PXN: variants seen among roughly 807,000 people sequenced by gnomAD.
PXN encodes paxillin.
Under a neutral mutation model 103.6 loss-of-function variants are expected in PXN, and 61 were observed. The observed-to-expected ratio is 0.59, with a 90% confidence interval of 0.48 to 0.73. The LOEUF (loss-of-function observed/expected upper bound fraction) is 0.73. Among genes scored for constraint, PXN ranks in the 30% least tolerant of loss-of-function variants. PXN has a pLI of 0.00. For synonymous variants in PXN, 562 were observed against 607.8 expected (o/e 0.92, Z 1.11); for missense variants, 1,274 against 1,460.3 (o/e 0.87, Z 2.08).
rs1882634146 is a variant in PXN at position 120,215,647 on chromosome 12, C to T, written c.2316G>A (p.Glu772=). ...AGCACCGCTCCCCATCCGCTCTTTG[C>T]TCCAGGCCCTGGATCTTAGATAGGG... ...LFPPMQIQGL[E]QRADGERCWA... is the part of the protein sequence containing the mutation. The change falls in exon 10 of 15, where the codon GAG becomes GAA. Residue 772 remains glutamate, a synonymous_variant. Coordinates refer to ENST00000637617, the MANE Select transcript of PXN (RefSeq NM_001385981.1). This position sits in a 1 kb window ranked among gnomAD's most constrained non-coding sequence, Gnocchi z 4.9. The T allele has an allele frequency of 3.1e-6, 5 of 1,609,876 alleles. No homozygotes were observed. Among genetic ancestry groups the T allele is most frequent in the Non-Finnish European group, 4.2e-6 (5 of 1,178,728 alleles).
chr12:120,215,147 C>T lies in PXN; in HGVS notation c.2530G>A (p.Ala844Thr), dbSNP rs548031679. ...TTGCAGGCCCCGCAGACTCCTTTGG[C>T]GACTGTGGCGACCCCCAGCTTGTTC... ...DLNKLGVATV[A>T]KGVCGACKKP... Residue 844 changes from alanine (A) to threonine (T), a missense_variant, in exon 11 of 15, where the codon GCC becomes ACC. Ala to Thr is a moderately conservative substitution (Grantham distance 58). Transcript: ENST00000637617. The surrounding 1 kb of genome is among the most constrained non-coding windows in gnomAD (Gnocchi z 4.9). 48 of 1,570,080 alleles carry T rather than the reference C, an allele frequency of 3.1e-5. No homozygotes were observed. Among genetic ancestry groups the T allele is most frequent in the Admixed American group, 1.4e-4 (8 of 55,910 alleles).
At chr12:120,218,042 ATTTTT>A (rs1167466002) in intron 7 of PXN, among the ~76,000 whole-genome samples, 2 of 99,242 alleles carry the variant, frequency 2.0e-5, no homozygotes, top group South Asian at 3.2e-4. Context: ...AGCTTGGGGG[ATTTTT>A]TTTTTTTTTT....
At chr12:120,261,058 C>T (rs1893805335) in intron 1 of PXN, among the ~76,000 whole-genome samples, 1 of 152,198 alleles carries the variant, frequency 6.6e-6, no homozygotes, top group Non-Finnish European at 1.5e-5. Flanking sequence ...AGTTTCCTCA[C>T]TTATAAAACA....
At chr12:120,242,257 G>A (rs1890283215) in intron 1 of PXN, among the ~76,000 whole-genome samples, 1 of 152,178 alleles carries the variant, frequency 6.6e-6, no homozygotes, top group Non-Finnish European at 1.5e-5. Flanking sequence ...AGAACCTCAG[G>A]AAGTTGCATG....
In PXN at chr12:120,216,163, G is replaced by A. The variant is rs772845101; in HGVS notation, c.2301+110C>T. On this transcript the variant is annotated intron_variant, in intron 9 of 14. Transcript: ENST00000637617. This position sits in a 1 kb window ranked among gnomAD's most constrained non-coding sequence, Gnocchi z 5.1. ...ACTGTGCTGGGGCTTGTAGATGGAG[G>A]GATGGAGGGTATCTGTGTATGTGTG... The A allele has an allele frequency of 7.9e-7, 1 of 1,266,872 alleles. No homozygotes were observed. Among genetic ancestry groups the A allele is most frequent in the Non-Finnish European group, 9.9e-7 (1 of 1,008,452 alleles). 78.5% of individuals were successfully genotyped at this position (1,266,872 alleles called of 1,614,324 possible).
intron 1 of PXN, among the ~76,000 whole-genome samples, chr12:120,251,212 AT>A (rs1406249733): frequency 6.6e-6 from 1 of 150,708 alleles, no homozygotes; most frequent in Non-Finnish European, 1.5e-5. Context: ...CTCAAAAAAA[AT>A]CAATTAATTA....
chr12:120,213,974 G>A lies in PXN; in HGVS notation c.2847C>T (p.Asp949=), dbSNP rs755276611. 5.0e-6 allele frequency: 8 copies of A among 1,612,346 alleles called. No individual in the cohort carries two copies. The highest frequency in any genetic ancestry group is 2.2e-5 in the East Asian group (1 of 44,878). The change falls in exon 14 of 15, where the codon GAC becomes GAT. Residue 949 remains aspartate, a synonymous_variant. Transcript: ENST00000637617. The surrounding 1 kb of genome is among the most constrained non-coding windows in gnomAD (Gnocchi z 4.2). ...FFGPEGFHEK[D]GKAYCRKDYF... Reference sequence around the variant, plus strand: ...AGTCCTTGCGACAGTAGGCCTTGCCGTCCTTCTCGTGGAACCCTGGGGAGC... The same window carrying A: ...AGTCCTTGCGACAGTAGGCCTTGCCATCCTTCTCGTGGAACCCTGGGGAGC...
chr12:120,262,934 T>C (rs1272580987), intron 1 of PXN, among the ~76,000 whole-genome samples: 1 of 152,170 alleles, frequency 6.6e-6, no homozygotes, highest in African/African-American at 2.4e-5. Flanking sequence ...CAGAGAGCTA[T>C]AAATTTGTAA....
Position 120,213,334 on chromosome 12 carries a change from C to A in PXN, c.2979+508G>T, listed in dbSNP as rs939197321. ...GGCAGAGGTTGCAGTCAGCCAAGAT[C>A]GTGCCACTGCACACCAGTCTGGGCA... is the stretch of plus-strand genomic sequence containing the variant. On this transcript the variant is annotated intron_variant, in intron 14 of 14. Transcript: ENST00000637617. This position sits in a 1 kb window ranked among gnomAD's most constrained non-coding sequence, Gnocchi z 4.2. 6.6e-6 allele frequency among the ~76,000 whole-genome samples: 1 copy of A among 152,122 alleles called. No homozygotes were observed. Among genetic ancestry groups the A allele is most frequent in the African/African-American group, 2.4e-5 (1 of 41,420 alleles).
intron 7 of PXN, among the ~76,000 whole-genome samples, chr12:120,218,967 G>A (rs1241072424): frequency 6.6e-6 from 1 of 152,228 alleles, no homozygotes; most frequent in Non-Finnish European, 1.5e-5. Flanking sequence ...GAATGTCAAG[G>A]ACAGCTCATC....
rs1361454868 is a variant in PXN at position 120,211,729 on chromosome 12, TA to T, written c.*584del. 2.9e-6 allele frequency: 1 copy of T among 347,208 alleles called. No homozygotes were observed. Among genetic ancestry groups the T allele is most frequent in the African/African-American group, 2.1e-5 (1 of 46,564 alleles). 21.5% of individuals were successfully genotyped at this position (347,208 alleles called of 1,614,324 possible). A position where few individuals can be genotyped will look rare whatever the true frequency, so the allele number is the denominator to read the frequency against. ...CAGGTATAAAAGGGGAGGGCGGGTC[TA>T]AAAGGCAGGGGCAGTCGCCAGGCCT... On this transcript the variant is annotated 3_prime_UTR_variant, in exon 15 of 15. Transcript: ENST00000637617.
chr12:120,215,711 A>G lies in PXN; in HGVS notation c.2302-50T>C. The G allele has an allele frequency of 6.5e-7, 1 of 1,546,310 alleles. No individual in the cohort carries two copies. The highest frequency in any genetic ancestry group is 1.2e-5 in the South Asian group (1 of 84,038). On this transcript the variant is annotated intron_variant, in intron 9 of 14. Coordinates refer to ENST00000637617, the MANE Select transcript of PXN (RefSeq NM_001385981.1). This position sits in a 1 kb window ranked among gnomAD's most constrained non-coding sequence, Gnocchi z 4.9. ...TAAGAAATCTTTTTTAAAAATTAAG[A>G]AAGAATACAAGACCTTGTCACTGGA...
Position 120,265,609 on chromosome 12 carries a change from T to G in PXN, c.13+8A>C. 1 of 1,486,240 alleles carries G rather than the reference T, an allele frequency of 6.7e-7. No homozygotes were observed. 92.1% of individuals were successfully genotyped at this position (1,486,240 alleles called of 1,614,324 possible). On this transcript the variant is annotated splice_region_variant and intron_variant, in intron 1 of 14. Coordinates refer to ENST00000637617, the MANE Select transcript of PXN (RefSeq NM_001385981.1). The surrounding 1 kb of genome is among the most constrained non-coding windows in gnomAD (Gnocchi z 5.7). ...GCCTCCTCCTCCCTCGGCCTCCCGC[T>G]CACTCACCGAGGTCGTCCATGGCCG...
At chr12:120,231,252 TTTA>T (rs1887988540) in intron 1 of PXN, among the ~76,000 whole-genome samples, 2 of 152,178 alleles carry the variant, frequency 1.3e-5, no homozygotes, top group Non-Finnish European at 2.9e-5. Context: ...ATGGGTGAGA[TTTA>T]TATAGCACCT....
intron 1 of PXN, among the ~76,000 whole-genome samples, chr12:120,258,028 AC>A (rs1427396083): frequency 6.6e-6 from 1 of 152,052 alleles, no homozygotes; most frequent in African/African-American, 2.4e-5. Flanking sequence ...CCCCATCTCT[AC>A]TAAAATTACA....
chr12:120,243,409 G>C (rs2136531040), intron 1 of PXN, among the ~76,000 whole-genome samples: 1 of 152,274 alleles, frequency 6.6e-6, no homozygotes, highest in South Asian at 2.1e-4. Context: ...ACAACAAAAG[G>C]CCGGGCATGG....
At chr12:120,234,905 A>G (rs1888741928) in intron 1 of PXN, among the ~76,000 whole-genome samples, 1 of 152,102 alleles carries the variant, frequency 6.6e-6, no homozygotes, top group South Asian at 2.1e-4. Context: ...GGAGCCAGGG[A>G]CTGCAGCCAG....
rs1431752479 is a variant in PXN at position 120,221,336 on chromosome 12, T to C, written c.831+287A>G. On this transcript the variant is annotated intron_variant, in intron 6 of 14. Coordinates refer to ENST00000637617, the MANE Select transcript of PXN (RefSeq NM_001385981.1). This position sits in a 1 kb window ranked among gnomAD's most constrained non-coding sequence, Gnocchi z 6.6. ...CCAGCGTCCCAGCCTCCTGATCCCC[T>C]CGACCTGAGAGGCTGGGAGCACCCA... Among the ~76,000 whole-genome samples the C allele has an allele frequency of 2.6e-5, 4 of 151,962 alleles. No homozygotes were observed. The South Asian group carries it at 8.4e-4, about 32-fold the overall frequency.
chr12:120,218,042 A>ATTTTTTTT, intron 7 of PXN, among the ~76,000 whole-genome samples: 1 of 99,248 alleles, frequency 1.0e-5, no homozygotes, highest in Non-Finnish European at 2.1e-5. Context: ...AGCTTGGGGG[A>ATTTTTTTT]TTTTTTTTTT....
Sources: allele counts gnomAD v4.1 joint callset (sites outside exome capture counted in the v4.1 genomes callset), GRCh38; gene constraint gnomAD v4.1.1; non-coding constraint Gnocchi (gnomAD v3.1); transcripts MANE v1.5; gene names NCBI Gene and HGNC (gene_info 2026-07-23, HGNC 2026-07-21).